APAF1: variants seen among roughly 807,000 people sequenced by gnomAD.
APAF1 encodes apoptotic peptidase activating factor 1.
APAF1 carries 91 observed loss-of-function variants against 152.4 expected under a neutral mutation model. The ratio of observed to expected loss-of-function variants is 0.60; its 90% CI spans 0.50 to 0.71. The LOEUF (loss-of-function observed/expected upper bound fraction) is 0.71. Ranked by LOEUF, APAF1 falls within the 30% of genes least tolerant of loss-of-function variation. The pLI is 0.00. For missense variants in APAF1, 1,283 were observed against 1,472.0 expected, an observed-to-expected ratio of 0.87 and a Z score of 2.10; for synonymous variants, 484 against 494.1, an observed-to-expected ratio of 0.98 and a Z score of 0.27.
At position 98,708,596 on chromosome 12, in the gene APAF1, A is replaced by C. The variant is rs2097724402; in HGVS notation, c.2733A>C (p.Thr911=). 6.2e-7 allele frequency: 1 copy of C among 1,613,374 alleles called. No homozygotes were observed. Among genetic ancestry groups the C allele is most frequent in the Non-Finnish European group, 8.5e-7 (1 of 1,179,638 alleles). ...SDDQTIRLWE[T]KKVCKNSAVM... The stretch of plus-strand genomic sequence containing the variant: ...TATCTCTTAATCAGCTCTGGGAGAC[A>C]AAGAAAGTATGTAAGAACTCTGCTG... Residue 911 remains threonine, a synonymous_variant, in exon 20 of 27, where the codon ACA becomes ACC. Coordinates refer to ENST00000551964, the MANE Select transcript of APAF1 (RefSeq NM_181861.2).
chr12:98,708,007 C>T (rs900336136), intron 19 of APAF1, among the ~76,000 whole-genome samples: 4 of 152,158 alleles, frequency 2.6e-5, no homozygotes, highest in African/African-American at 9.6e-5. Context: ...AGTGCAATGG[C>T]ACTATCTTGG....
intron 26 of APAF1, among the ~76,000 whole-genome samples, chr12:98,729,582 G>A (rs1180107935): frequency 6.6e-6 from 1 of 152,182 alleles, no homozygotes; most frequent in East Asian, 1.9e-4. Context: ...CAGGGACTGG[G>A]GACTCCTCTA....
intron 12 of APAF1, among the ~76,000 whole-genome samples, chr12:98,674,780 A>C (rs2097684793): frequency 6.6e-6 from 1 of 152,226 alleles, no homozygotes; most frequent in South Asian, 2.1e-4. Flanking sequence ...TAGTGTATAT[A>C]TGTATATAAA....
At chr12:98,648,846 G>C in intron 3 of APAF1, 31 bp downstream of exon 3, 1 of 1,601,144 alleles carries the variant, frequency 6.2e-7, no homozygotes, top group South Asian at 1.1e-5. Flanking sequence ...CTATCACTTT[G>C]CTATCAAAAT....
At chr12:98,698,087 G>A (rs1195018997) in intron 16 of APAF1, among the ~76,000 whole-genome samples, 2 of 152,240 alleles carry the variant, frequency 1.3e-5, no homozygotes, top group African/African-American at 4.8e-5. Context: ...GACAGAAGCT[G>A]AAGTCAGGTC....
At chr12:98,649,146 A>G (rs955389580) in intron 3 of APAF1, 2 of 804,064 alleles carry the variant, frequency 2.5e-6, no homozygotes, top group African/African-American at 3.7e-5. Flanking sequence ...TTAGAAATAT[A>G]TGTTCTTGAA....
intron 11 of APAF1, 107 bp from the exon 12 acceptor site, chr12:98,671,428 A>G (rs1339204349): frequency 1.8e-6 from 2 of 1,094,472 alleles, no homozygotes; most frequent in Admixed American, 3.5e-5. Context: ...TTTAGTTCAT[A>G]TAAAGAATAT....
chr12:98,687,548 A>G (rs964844271), intron 16 of APAF1, among the ~76,000 whole-genome samples: 1 of 151,970 alleles, frequency 6.6e-6, no homozygotes, highest in Non-Finnish European at 1.5e-5. Flanking sequence ...TAAAGAATGG[A>G]GATTTATTTC....
intron 25 of APAF1, 140 bp from the exon 26 acceptor site, chr12:98,727,033 T>C: frequency 1.4e-6 from 1 of 714,822 alleles, no homozygotes; most frequent in Non-Finnish European, 2.3e-6. Flanking sequence ...AATGGCAATA[T>C]TAGTATCTGT....
chr12:98,697,837 C>T (rs922741802), intron 16 of APAF1, among the ~76,000 whole-genome samples: 1 of 152,110 alleles, frequency 6.6e-6, no homozygotes, highest in Non-Finnish European at 1.5e-5. Flanking sequence ...TATGTCCTGC[C>T]CCAAATGGCT....
intron 26 of APAF1, among the ~76,000 whole-genome samples, chr12:98,729,505 C>T (rs550517908): frequency 6.6e-6 from 1 of 152,318 alleles, no homozygotes; most frequent in South Asian, 2.1e-4. Flanking sequence ...GTTCACTCAC[C>T]AGCCGCTCAC....
chr12:98,703,414 C>T lies in APAF1; in HGVS notation c.2510C>T (p.Thr837Met), dbSNP rs200461221. The change falls in exon 18 of 27, where the codon ACG becomes ATG. Residue 837 changes from threonine (T) to methionine (M), a missense_variant. Physicochemically the swap from Thr to Met is moderately conservative, Grantham distance 81. Coordinates refer to ENST00000551964, the MANE Select transcript of APAF1 (RefSeq NM_181861.2). Reference protein sequence around the residue: ...HTSGLLGEIHTGHHSTIQYCD... With the variant: ...HTSGLLGEIHMGHHSTIQYCD... ...AGTGGCCTATTGGGAGAAATCCACACGGGCCATCACAGCACCATCCAGTAC... is the reference window on the plus strand; with the variant it reads ...AGTGGCCTATTGGGAGAAATCCACATGGGCCATCACAGCACCATCCAGTAC... 31 of 1,613,946 alleles carry T rather than the reference C, an allele frequency of 1.9e-5. No homozygotes were observed. Among genetic ancestry groups the T allele is most frequent in the East Asian group, 2.2e-5 (1 of 44,888 alleles).
Position 98,733,295 on chromosome 12 carries a change from G to C in APAF1, c.*729G>C, listed in dbSNP as rs536911775. On this transcript the variant is annotated 3_prime_UTR_variant, in exon 27 of 27. Transcript: ENST00000551964. ...GACTACAGGTGTGCGCACATGCCAG[G>C]CTAATTTTTGTATTTTTAGTAGAGA... 1.3e-5 allele frequency: 2 copies of C among 149,994 alleles called. No individual in the cohort carries two copies. The highest frequency in any genetic ancestry group is 2.1e-4 in the South Asian group (1 of 4,714). 9.3% of individuals were successfully genotyped at this position (149,994 alleles called of 1,614,324 possible). A position where few individuals can be genotyped will look rare whatever the true frequency, so the allele number is the denominator to read the frequency against.
rs778049714 is a variant in APAF1, at chr12:98,677,406, A to AT, written c.1794-13dup. On this transcript the variant is annotated intron_variant, in intron 12 of 26. Transcript: ENST00000551964. Reference sequence around the variant, plus strand: ...ACTCTCATTTATTTAATTTCTGTTCATTTTTTCCCTGTATTTAGAAACAAA... The same window carrying AT: ...ACTCTCATTTATTTAATTTCTGTTCATTTTTTTCCCTGTATTTAGAAACAAA... The AT allele has an allele frequency of 1.1e-5, 18 of 1,612,806 alleles. No individual in the cohort carries two copies. Among genetic ancestry groups the AT allele is most frequent in the Non-Finnish European group, 1.5e-5 (18 of 1,179,204 alleles).
intron 23 of APAF1, 96 bp downstream of exon 23, chr12:98,723,408 A>T: frequency 7.2e-7 from 1 of 1,393,232 alleles, no homozygotes; most frequent in South Asian, 1.2e-5. Context: ...CTAATTACTT[A>T]CTTAAAAATT....
chr12:98,672,456 C>T (rs576105401), intron 12 of APAF1, among the ~76,000 whole-genome samples: 134 of 152,250 alleles, frequency 8.8e-4, no homozygotes, highest in African/African-American at 3.1e-3. Context: ...TGAGCCACCA[C>T]GCCTGGCCTT....
chr12:98,688,185 T>G (rs1417480023), intron 16 of APAF1, among the ~76,000 whole-genome samples: 3 of 152,216 alleles, frequency 2.0e-5, no homozygotes, highest in Admixed American at 6.5e-5. Context: ...TAATTCTTCC[T>G]CAAATCCCCA....
rs759164816 is a variant in APAF1 at position 98,723,662 on chromosome 12, TAAAG to T, written c.3232_3235del (p.Glu1078LysfsTer45). On this transcript the variant is annotated frameshift_variant, in exon 24 of 27. Transcript: ENST00000551964. LOFTEE classifies it high-confidence loss of function. ...AGGTATGGAATATTATTACTGGAAA[TAAAG>T]AAAAAGACTTTGTCTGTCACCAGGG... 1.3e-6 allele frequency: 2 copies of T among 1,573,578 alleles called. No homozygotes were observed. The highest frequency in any genetic ancestry group is 1.7e-6 in the Non-Finnish European group (2 of 1,147,932).
At position 98,732,673 on chromosome 12, in the gene APAF1, G is replaced by A; in HGVS notation, c.*107G>A. 3 of 743,498 alleles carry A rather than the reference G, an allele frequency of 4.0e-6. No individual in the cohort carries two copies. The highest frequency in any genetic ancestry group is 2.2e-6 in the Non-Finnish European group (1 of 454,042). The allele number at this position is 743,498 out of a possible 1,614,324, so 46.1% of individuals were successfully genotyped here. ...TTATAAAGCTCTTAATTGTTGTGCA[G>A]TATTGCATTCATTACAAAAGTGTTT... On this transcript the variant is annotated 3_prime_UTR_variant, in exon 27 of 27. Coordinates refer to ENST00000551964, the MANE Select transcript of APAF1 (RefSeq NM_181861.2).
Sources: allele counts gnomAD v4.1 joint callset (sites outside exome capture counted in the v4.1 genomes callset), GRCh38; gene constraint gnomAD v4.1.1; transcripts MANE v1.5; gene names NCBI Gene and HGNC (gene_info 2026-07-23, HGNC 2026-07-21).